The following DHRSX variants were observed in gnomAD, a reference collection of about 807,000 sequenced individuals.
DHRSX encodes polyprenol dehydrogenase.
In DHRSX, 31 loss-of-function variants were observed where a neutral mutation model predicts 34.0. The observed-to-expected ratio is 0.91, with a 90% confidence interval of 0.69 to 1.23. DHRSX has a LOEUF of 1.23. Ranked by LOEUF, DHRSX falls within the 50% of genes most tolerant of loss-of-function variation. The pLI is 0.00. For missense variants in DHRSX, 414 were observed against 428.1 expected (o/e 0.97, Z 0.29); for synonymous variants, 201 against 183.8 (o/e 1.09, Z -0.76).
intron 3 of DHRSX, among the ~76,000 whole-genome samples, chrX:2,376,087 TAGA>T (rs1453613112): frequency 7.3e-6 from 1 of 137,658 alleles, no homozygotes; most frequent in African/African-American, 2.5e-5. Flanking sequence ...CTTGTTCTGG[TAGA>T]AGAACAACTT....
In DHRSX at chrX:2,291,561, C is replaced by T. The variant is rs773036846; in HGVS notation, c.329G>A (p.Arg110Gln). The T allele has an allele frequency of 2.2e-5, 36 of 1,613,700 alleles. No homozygotes were observed. The highest frequency in any genetic ancestry group is 2.1e-4 in the African/African-American group (16 of 74,872). Reference protein sequence around the residue: ...YCDLASMTSIRQFVQKFKMKK... With the variant: ...YCDLASMTSIQQFVQKFKMKK... ...CATCTTGAACTTCTGCACAAACTGCCGGATGGAAGTCATGGAAGCCAAGTC... is the reference window on the plus strand; with the variant it reads ...CATCTTGAACTTCTGCACAAACTGCTGGATGGAAGTCATGGAAGCCAAGTC... Residue 110 changes from arginine to glutamine, a missense_variant, in exon 4 of 7, where the codon CGG becomes CAG. Physicochemically the swap from Arg to Gln is conservative, Grantham distance 43. Coordinates refer to ENST00000334651, the MANE Select transcript of DHRSX (RefSeq NM_145177.3).
intron 3 of DHRSX, among the ~76,000 whole-genome samples, chrX:2,379,767 T>C (rs1300167056): frequency 6.6e-6 from 1 of 151,882 alleles, no homozygotes; most frequent in Non-Finnish European, 1.5e-5. Context: ...GAAACAAAAA[T>C]GATGTCTGGT....
At chrX:2,475,142 G>A (rs984795553) in intron 1 of DHRSX, among the ~76,000 whole-genome samples, 1 of 150,010 alleles carries the variant, frequency 6.7e-6, no homozygotes, top group East Asian at 2.0e-4. Context: ...TGTGTGCAGT[G>A]AAGACACTCC....
chrX:2,411,835 C>G (rs988094447), intron 2 of DHRSX, among the ~76,000 whole-genome samples: 2 of 152,140 alleles, frequency 1.3e-5, no homozygotes, highest in Non-Finnish European at 2.9e-5. Flanking sequence ...ACAAAAGTGA[C>G]CAGAAAAAGC....
chrX:2,482,718 T>C (rs181683979), intron 1 of DHRSX, among the ~76,000 whole-genome samples: 74 of 152,350 alleles, frequency 4.9e-4, no homozygotes, highest in South Asian at 1.4e-3. Flanking sequence ...ATTCTAGAAA[T>C]CCTGCAGTAA....
intron 3 of DHRSX, among the ~76,000 whole-genome samples, chrX:2,311,520 C>T (rs1208480547): frequency 3.3e-5 from 5 of 152,072 alleles, no homozygotes; most frequent in Non-Finnish European, 7.3e-5. Context: ...ACTCCCAGGT[C>T]TAGTCTAGAA....
At chrX:2,438,360 A>G (rs1193996593) in intron 1 of DHRSX, among the ~76,000 whole-genome samples, 3 of 151,774 alleles carry the variant, frequency 2.0e-5, no homozygotes. Context: ...TAAGATTGAC[A>G]GCAAAGCATC....
At chrX:2,289,613 T>C (rs1376970941) in intron 4 of DHRSX, among the ~76,000 whole-genome samples, 1 of 152,214 alleles carries the variant, frequency 6.6e-6, no homozygotes, top group Non-Finnish European at 1.5e-5. Context: ...GTAAGGGTGT[T>C]ACACAGAACG....
intron 3 of DHRSX, among the ~76,000 whole-genome samples, chrX:2,406,826 A>G (rs932797707): frequency 6.6e-6 from 1 of 152,220 alleles, no homozygotes; most frequent in African/African-American, 2.4e-5. Context: ...GGGAATGTCA[A>G]TTAGTACAGT....
At chrX:2,404,317 T>C (rs898861110) in intron 3 of DHRSX, among the ~76,000 whole-genome samples, 13 of 152,032 alleles carry the variant, frequency 8.6e-5, no homozygotes, top group African/African-American at 1.2e-4. Context: ...TTTGGATTCA[T>C]TGTGTTAGAA....
At chrX:2,391,343 A>G (rs902451446) in intron 3 of DHRSX, among the ~76,000 whole-genome samples, 1 of 152,154 alleles carries the variant, frequency 6.6e-6, no homozygotes, top group Non-Finnish European at 1.5e-5. Context: ...TTCCTTCAAG[A>G]CAGAATACAA....
intron 4 of DHRSX, among the ~76,000 whole-genome samples, chrX:2,283,199 T>TCTA (rs1420139011): frequency 1.2e-4 from 18 of 151,900 alleles, no homozygotes; most frequent in Admixed American, 1.3e-4. Flanking sequence ...GCCCTGAACA[T>TCTA]CTAGCCTTCT....
At chrX:2,468,291 C>T (rs7886129) in intron 1 of DHRSX, among the ~76,000 whole-genome samples, 3 of 151,818 alleles carry the variant, frequency 2.0e-5, no homozygotes, top group Non-Finnish European at 4.4e-5. Context: ...GGATGTGGAC[C>T]GGGCAGGGGA....
chrX:2,256,909 G>A (rs1342341658), intron 5 of DHRSX, among the ~76,000 whole-genome samples: 1 of 152,038 alleles, frequency 6.6e-6, no homozygotes, highest in Non-Finnish European at 1.5e-5. Context: ...GGGTTTAGGA[G>A]ATCTGGAGGA....
chrX:2,367,094 ACC>A (rs2043002622), intron 3 of DHRSX, among the ~76,000 whole-genome samples: 1 of 152,080 alleles, frequency 6.6e-6, no homozygotes, highest in South Asian at 2.1e-4. Context: ...TTCAAGAGGA[ACC>A]ACAATGGCTA....
At chrX:2,465,809 CAAAAA>C (rs375728172) in intron 1 of DHRSX, among the ~76,000 whole-genome samples, 2 of 84,730 alleles carry the variant, frequency 2.4e-5, no homozygotes, top group Non-Finnish European at 2.5e-5. Context: ...AACTCCATCG[CAAAAA>C]AAAAAAAAAA....
chrX:2,353,765 A>G (rs1340460768), intron 3 of DHRSX, among the ~76,000 whole-genome samples: 2 of 148,568 alleles, frequency 1.3e-5, no homozygotes, highest in East Asian at 3.9e-4. Context: ...GTTTTTTTTT[A>G]GTAGAGATGG....
intron 5 of DHRSX, among the ~76,000 whole-genome samples, chrX:2,254,733 G>A (rs2041252672): frequency 2.0e-5 from 3 of 151,282 alleles, no homozygotes; most frequent in South Asian, 2.1e-4. Flanking sequence ...TGCAATCTCC[G>A]CCTCCCGGAT....
chrX:2,425,428 G>A (rs2043832370), intron 1 of DHRSX, 124 bp from the exon 2 acceptor site: 9 of 824,802 alleles, frequency 1.1e-5, no homozygotes, highest in Middle Eastern at 5.3e-4. Flanking sequence ...TTCTGGTTCT[G>A]TTCCTCTTGA....
Sources: allele counts gnomAD v4.1 joint callset (sites outside exome capture counted in the v4.1 genomes callset), GRCh38; gene constraint gnomAD v4.1.1; transcripts MANE v1.5; gene names NCBI Gene and HGNC (gene_info 2026-07-23, HGNC 2026-07-21).